The following ZDHHC6 variants were observed in gnomAD, a reference collection of about 807,000 sequenced individuals.
The protein encoded by ZDHHC6 is palmitoyltransferase ZDHHC6.
In ZDHHC6, 32 loss-of-function variants were observed where a neutral mutation model predicts 57.8. The ratio of observed to expected loss-of-function variants is 0.55; its 90% CI spans 0.42 to 0.74. ZDHHC6 has a LOEUF of 0.74. Among genes scored for constraint, ZDHHC6 ranks in the 30% least tolerant of loss-of-function variants. The pLI, the probability that ZDHHC6 is intolerant of heterozygous loss-of-function variation, is 0.00. For synonymous variants in ZDHHC6, 128 were observed against 158.0 expected, an observed-to-expected ratio of 0.81 and a Z score of 1.42; for missense variants, 433 against 500.7, an observed-to-expected ratio of 0.86 and a Z score of 1.29.
Position 112,445,570 on chromosome 10 carries a change from G to A in ZDHHC6, c.-134C>T, listed in dbSNP as rs1647232752. On this transcript the variant is annotated 5_prime_UTR_variant, in exon 2 of 11. Coordinates refer to ENST00000369405, the MANE Select transcript of ZDHHC6 (RefSeq NM_022494.3). ...CTTCAAGCTGTGAACTGTTAACGCA[G>A]ATTACACCATTTTCACTGTCAGGCA... 2 of 1,029,534 alleles carry A rather than the reference G, an allele frequency of 1.9e-6. No homozygotes were observed. The highest frequency in any genetic ancestry group is 2.7e-6 in the Non-Finnish European group (2 of 729,574). The allele number at this position is 1,029,534 out of a possible 1,614,324, so 63.8% of individuals were successfully genotyped here.
chr10:112,437,959 T>C (rs190276425), intron 6 of ZDHHC6, among the ~76,000 whole-genome samples: 11 of 149,030 alleles, frequency 7.4e-5, no homozygotes, highest in Non-Finnish European at 7.5e-5. Flanking sequence ...AGGAGCTTCA[T>C]TGAATGTCTA....
At chr10:112,429,973 G>GC (rs1844887460), downstream of ZDHHC6, among the ~76,000 whole-genome samples, 2 of 151,626 alleles carry the variant, frequency 1.3e-5, no homozygotes, top group African/African-American at 4.8e-5. Flanking sequence ...TGTTGGGGGG[G>GC]GGGTGTGGGG....
upstream of ZDHHC6, chr10:112,447,056 C>T: frequency 3.1e-6 from 1 of 322,858 alleles, no homozygotes; most frequent in South Asian, 5.5e-5. Context: ...GGGGAAAAAA[C>T]GCTTCTAATG....
intron 6 of ZDHHC6, 43 bp from the exon 7 acceptor site, chr10:112,434,507 A>G: frequency 6.4e-7 from 1 of 1,565,312 alleles, no homozygotes; most frequent in South Asian, 1.2e-5. Flanking sequence ...CCTCTGTCTA[A>G]GTGGCCTGCA....
chr10:112,438,436 T>C, intron 5 of ZDHHC6, 47 bp from the exon 6 acceptor site: 1 of 1,266,300 alleles, frequency 7.9e-7, no homozygotes, highest in Non-Finnish European at 1.1e-6. Context: ...CCTTGGTTCC[T>C]TTAAGATTAT....
rs1429730163 is a variant in ZDHHC6 at position 112,440,876 on chromosome 10, C to T, written c.520-181G>A. ...TATTTATTTATTTGAGACGGAGTCTCACTCTGTCGCCCAGGCTGGAGTGCA... is the reference window on the plus strand; with the variant it reads ...TATTTATTTATTTGAGACGGAGTCTTACTCTGTCGCCCAGGCTGGAGTGCA... On this transcript the variant is annotated intron_variant, in intron 4 of 10. Transcript: ENST00000369405. Among the ~76,000 whole-genome samples the T allele has an allele frequency of 2.0e-5, 3 of 152,330 alleles. No individual in the cohort carries two copies. The East Asian group carries it at 5.8e-4, about 29-fold the overall frequency.
intron 6 of ZDHHC6, among the ~76,000 whole-genome samples, chr10:112,434,752 C>T (rs772660305): frequency 6.6e-6 from 1 of 152,190 alleles, no homozygotes; most frequent in Non-Finnish European, 1.5e-5. Context: ...TTATCTCATA[C>T]ATAAAAAGTC....
downstream of ZDHHC6, among the ~76,000 whole-genome samples, chr10:112,429,977 T>TGGGGGGGGGGGGGG (rs1844889642): frequency 1.5e-5 from 1 of 65,208 alleles, no homozygotes; most frequent in Non-Finnish European, 3.2e-5. Context: ...GGGGGGGGGG[T>TGGGGGGGGGGGGGG]GTGGGGGGGG....
At chr10:112,427,602 A>G (rs1809152195), downstream of ZDHHC6, 1 of 292,766 alleles carries the variant, frequency 3.4e-6, no homozygotes, top group South Asian at 9.2e-5. Flanking sequence ...TTTTATCAAC[A>G]TGCCTGTCTT....
In ZDHHC6 at chr10:112,438,392, G is replaced by T; in HGVS notation, c.682-3C>A. ...TTGTTTCTGAGAATTATTTTCATCT[G>T]GAAATTAAATGATAGTAAAATTTAA... is the stretch of plus-strand genomic sequence containing the variant. On this transcript the variant is annotated splice_region_variant and splice_polypyrimidine_tract_variant and intron_variant, in intron 5 of 10. Transcript: ENST00000369405. The T allele has an allele frequency of 1.4e-6, 2 of 1,381,086 alleles. No homozygotes were observed. The highest frequency in any genetic ancestry group is 2.8e-5 in the Admixed American group (1 of 35,306). The allele number at this position is 1,381,086 out of a possible 1,614,324, so 85.6% of individuals were successfully genotyped here. A position where few individuals can be genotyped will look rare whatever the true frequency, so the allele number is the denominator to read the frequency against.
intron 5 of ZDHHC6, among the ~76,000 whole-genome samples, chr10:112,438,875 A>G (rs940816654): frequency 2.0e-5 from 3 of 152,092 alleles, no homozygotes; most frequent in African/African-American, 7.2e-5. Flanking sequence ...TCTTTATTCT[A>G]TTATTTGATT....
chr10:112,432,559 C>T (rs950996722), intron 8 of ZDHHC6, 38 bp from the exon 9 acceptor site: 7 of 1,581,656 alleles, frequency 4.4e-6, no homozygotes, highest in South Asian at 1.2e-5. Context: ...TAAATATTCA[C>T]CCATGATATC....
downstream of ZDHHC6, among the ~76,000 whole-genome samples, chr10:112,428,776 AAAAAAAC>A (rs1844838091): frequency 1.3e-5 from 2 of 152,038 alleles, no homozygotes; most frequent in Admixed American, 6.6e-5. Flanking sequence ...GTCTCAAAAA[AAAAAAAC>A]AAAAACAAAA....
In ZDHHC6 at chr10:112,440,653, CT is replaced by C; in HGVS notation, c.561del (p.Ala188ProfsTer13). Reference sequence around the variant, plus strand: ...ACAATTGGAAGAGGATCTCTCCGGGCTGCACTCATGTCGATCTTCACTGTGT... The same window carrying C: ...ACAATTGGAAGAGGATCTCTCCGGGCGCACTCATGTCGATCTTCACTGTGT... ...GWNTVKIDMS[A>X]ARRDPLPIVP... On this transcript the variant is annotated frameshift_variant, in exon 5 of 11. Coordinates refer to ENST00000369405, the MANE Select transcript of ZDHHC6 (RefSeq NM_022494.3). LOFTEE classifies it high-confidence loss of function. 1.9e-6 allele frequency: 3 copies of C among 1,613,968 alleles called. No individual in the cohort carries two copies. The highest frequency in any genetic ancestry group is 2.5e-6 in the Non-Finnish European group (3 of 1,179,900).
intron 8 of ZDHHC6, 75 bp downstream of exon 8, chr10:112,433,165 C>T: frequency 1.6e-6 from 2 of 1,221,990 alleles, no homozygotes; most frequent in Non-Finnish European, 2.2e-6. Flanking sequence ...TCTAGTCAGT[C>T]AATTAAAAAA....
intron 4 of ZDHHC6, among the ~76,000 whole-genome samples, 190 bp from the exon 5 acceptor site, chr10:112,440,885 G>A (rs1170596233): frequency 7.9e-5 from 12 of 151,902 alleles, no homozygotes; most frequent in South Asian, 2.1e-4. Context: ...TCACTCTGTC[G>A]CCCAGGCTGG....
rs1413155646 is a variant in ZDHHC6 at position 112,442,252 on chromosome 10, C to A, written c.459G>T (p.Leu153=). ...AAATGAAAGCAGCATGGATACAACC[C>A]AGTGGTGCTAAAAGGAGAAACAGTG... The part of the protein sequence containing the change: ...SFTLFLLLAP[L]GCIHAAFIFV... Residue 153 remains leucine (L), a synonymous_variant, in exon 4 of 11, where the codon CTG becomes CTT. Coordinates refer to ENST00000369405, the MANE Select transcript of ZDHHC6 (RefSeq NM_022494.3). 6.2e-7 allele frequency: 1 copy of A among 1,613,904 alleles called. No individual in the cohort carries two copies. Among genetic ancestry groups the A allele is most frequent in the Non-Finnish European group, 8.5e-7 (1 of 1,179,982 alleles).
chr10:112,438,393 GAAATT>G lies in ZDHHC6; in HGVS notation c.682-9_682-5del. 7.3e-7 allele frequency: 1 copy of G among 1,378,376 alleles called. No homozygotes were observed. Among genetic ancestry groups the G allele is most frequent in the Non-Finnish European group, 9.7e-7 (1 of 1,035,030 alleles). The allele number at this position is 1,378,376 out of a possible 1,614,324, so 85.4% of individuals were successfully genotyped here. A position where few individuals can be genotyped will look rare whatever the true frequency, so the allele number is the denominator to read the frequency against. On this transcript the variant is annotated splice_polypyrimidine_tract_variant and splice_region_variant and intron_variant, in intron 5 of 10. Transcript: ENST00000369405. ...TGTTTCTGAGAATTATTTTCATCTG[GAAATT>G]AAATGATAGTAAAATTTAATAATGC...
chr10:112,440,377 T>C lies in ZDHHC6; in HGVS notation c.681+157A>G, dbSNP rs151105948. ...AAATTCTGGCAAAATTAAATCAAAA[T>C]TATCTGACGAATACAAAGGAGATTA... On this transcript the variant is annotated intron_variant, in intron 5 of 10. Coordinates refer to ENST00000369405, the MANE Select transcript of ZDHHC6 (RefSeq NM_022494.3). Among the ~76,000 whole-genome samples the C allele has an allele frequency of 1.6e-3, 240 of 152,308 alleles. 1 individual carries two copies. Among genetic ancestry groups the C allele is most frequent in the Middle Eastern group, 0.01 (3 of 294 alleles).
Sources: gnomAD v4.1 joint callset for allele counts (sites outside exome capture counted in the v4.1 genomes callset) on GRCh38, gnomAD v4.1.1 for gene constraint, MANE v1.5 for transcripts, NCBI Gene and HGNC (gene_info 2026-07-23, HGNC 2026-07-21) for gene names.